The following ASAP2 variants were observed in gnomAD, a reference collection of about 807,000 sequenced individuals.
ASAP2 encodes the protein arf-GAP with SH3 domain, ANK repeat and PH domain-containing protein 2.
ASAP2 carries 45 observed loss-of-function variants against 131.4 expected under a neutral mutation model. The ratio of observed to expected loss-of-function variants is 0.34; its 90% CI spans 0.27 to 0.44. ASAP2 has a LOEUF of 0.44. Among genes scored for constraint, ASAP2 ranks in the 20% least tolerant of loss-of-function variants. The pLI is 1.00. For synonymous variants in ASAP2, 510 were observed against 503.0 expected, an observed-to-expected ratio of 1.01 and a Z score of -0.19; for missense variants, 1,011 against 1,297.0, an observed-to-expected ratio of 0.78 and a Z score of 3.39.
chr2:9,346,351 G>T (rs1472231330), intron 11 of ASAP2, among the ~76,000 whole-genome samples: 2 of 151,422 alleles, frequency 1.3e-5, no homozygotes, highest in African/African-American at 2.4e-5. Context: ...CAGGAGAATT[G>T]CTTAAACGCA....
Position 9,400,734 on chromosome 2 carries a change from C to A in ASAP2, c.2735-8C>A. 1 of 1,611,128 alleles carries A rather than the reference C, an allele frequency of 6.2e-7. No homozygotes were observed. On this transcript the variant is annotated splice_region_variant and splice_polypyrimidine_tract_variant and intron_variant, in intron 25 of 27. Coordinates refer to ENST00000281419, the MANE Select transcript of ASAP2 (RefSeq NM_003887.3). Reference sequence around the variant, plus strand: ...GATGTCTTAAGCTGCTTCATTTTTGCCCTACAGTGGATCTCTCTGCAACGG... The same window carrying A: ...GATGTCTTAAGCTGCTTCATTTTTGACCTACAGTGGATCTCTCTGCAACGG...
intron 2 of ASAP2, among the ~76,000 whole-genome samples, chr2:9,287,026 A>G (rs1667511554): frequency 6.6e-6 from 1 of 152,242 alleles, no homozygotes. Flanking sequence ...GGTCCTGTCC[A>G]TTGACAGATG....
chr2:9,356,136 G>C, intron 13 of ASAP2, 41 bp downstream of exon 13: 1 of 1,614,120 alleles, frequency 6.2e-7, no homozygotes, highest in East Asian at 2.2e-5. Flanking sequence ...GGACTCAGCC[G>C]TTGTTTGTGG....
Position 9,403,541 on chromosome 2 carries a change from G to T in ASAP2, c.*214G>T. The T allele has an allele frequency of 2.0e-6, 1 of 512,556 alleles. No individual in the cohort carries two copies. 31.8% of individuals were successfully genotyped at this position (512,556 alleles called of 1,614,324 possible). On this transcript the variant is annotated 3_prime_UTR_variant, in exon 28 of 28. Transcript: ENST00000281419. ...ATGAAACATTGCTATGCATTTATTAGGAAAAACTGAATTTCCCAACAGGTG... is the reference window on the plus strand; with the variant it reads ...ATGAAACATTGCTATGCATTTATTATGAAAAACTGAATTTCCCAACAGGTG...
At chr2:9,237,508 C>A (rs1558255882) in intron 1 of ASAP2, among the ~76,000 whole-genome samples, 2 of 151,112 alleles carry the variant, frequency 1.3e-5, no homozygotes, top group East Asian at 3.9e-4. Flanking sequence ...ACCTCCTAGG[C>A]TCCAGCAATC....
intron 24 of ASAP2, 145 bp from the exon 25 acceptor site, chr2:9,399,878 T>TA: frequency 1.3e-6 from 1 of 766,890 alleles, no homozygotes; most frequent in Non-Finnish European, 2.1e-6. Context: ...CCTTTTCCCA[T>TA]AAAAAAGAGA....
At chr2:9,367,093 T>G (rs1673538053) in intron 15 of ASAP2, among the ~76,000 whole-genome samples, 1 of 148,144 alleles carries the variant, frequency 6.8e-6, no homozygotes, top group South Asian at 2.2e-4. Flanking sequence ...TCCAGTGGTG[T>G]GATCTCGGCT....
At chr2:9,272,982 G>A (rs10190411) in intron 1 of ASAP2, among the ~76,000 whole-genome samples, 15,377 of 152,110 alleles carry the variant, frequency 0.1, 809 homozygotes, top group Admixed American at 0.14. Flanking sequence ...AGGTAATGTG[G>A]TTCCTCCAGT....
chr2:9,380,912 G>C, intron 20 of ASAP2, 104 bp downstream of exon 20: 2 of 1,219,850 alleles, frequency 1.6e-6, no homozygotes, highest in Non-Finnish European at 2.3e-6. Context: ...GTCCTGAGCA[G>C]AGCTCAGTGT....
At position 9,323,170 on chromosome 2, in the gene ASAP2, A is replaced by G; in HGVS notation, c.520A>G (p.Ile174Val). Residue 174 changes from isoleucine to valine, a missense_variant, in exon 6 of 28, where the codon ATT (isoleucine) becomes GTT (valine). Physicochemically the swap from Ile to Val is conservative, Grantham distance 29. Coordinates refer to ENST00000281419, the MANE Select transcript of ASAP2 (RefSeq NM_003887.3). ...KKEHAKLHGMIRTEISGAEIA... is the reference protein window; with the variant it reads ...KKEHAKLHGMVRTEISGAEIA... Reference sequence around the variant, plus strand: ...GGAACACGCCAAGCTCCATGGGATGATTCGGACTGAAATAAGCGGAGCGGA... The same window carrying G: ...GGAACACGCCAAGCTCCATGGGATGGTTCGGACTGAAATAAGCGGAGCGGA... 6.2e-7 allele frequency: 1 copy of G among 1,614,256 alleles called. No individual in the cohort carries two copies. The highest frequency in any genetic ancestry group is 1.1e-5 in the South Asian group (1 of 91,086).
chr2:9,387,081 G>T (rs527783974), intron 21 of ASAP2, among the ~76,000 whole-genome samples: 4 of 151,206 alleles, frequency 2.6e-5, no homozygotes, highest in Admixed American at 6.6e-5. Context: ...TGGTGGGTGG[G>T]GGGGCGCCTG....
chr2:9,267,837 G>A (rs1001923021), intron 1 of ASAP2, among the ~76,000 whole-genome samples: 2 of 137,962 alleles, frequency 1.4e-5, no homozygotes, highest in Admixed American at 1.6e-4. Context: ...GGCAGAGGTT[G>A]TAGTGAGTCG....
intron 2 of ASAP2, among the ~76,000 whole-genome samples, chr2:9,291,817 C>T (rs754466573): frequency 6.6e-6 from 1 of 152,080 alleles, no homozygotes; most frequent in African/African-American, 2.4e-5. Flanking sequence ...TGCACCCTGC[C>T]TTCGTTCTGT....
chr2:9,396,152 T>G (rs959713392), intron 24 of ASAP2, among the ~76,000 whole-genome samples: 2 of 152,128 alleles, frequency 1.3e-5, no homozygotes, highest in Non-Finnish European at 2.9e-5. Flanking sequence ...GGCTAATTCT[T>G]CTGCATACTA....
At chr2:9,212,364 G>A (rs1661626050) in intron 1 of ASAP2, among the ~76,000 whole-genome samples, 1 of 152,176 alleles carries the variant, frequency 6.6e-6, no homozygotes, top group South Asian at 2.1e-4. Flanking sequence ...TGTGGTGAGG[G>A]AGGGCCTTAT....
At chr2:9,222,450 C>T (rs941749313) in intron 1 of ASAP2, among the ~76,000 whole-genome samples, 4 of 152,232 alleles carry the variant, frequency 2.6e-5, no homozygotes, top group Admixed American at 2.6e-4. Flanking sequence ...CCTTTCCAAG[C>T]TGCTGTTTCT....
chr2:9,308,056 T>C (rs1669062107), intron 3 of ASAP2, among the ~76,000 whole-genome samples: 1 of 152,354 alleles, frequency 6.6e-6, no homozygotes, highest in African/African-American at 2.4e-5. Flanking sequence ...AAAAGTGGCC[T>C]AGATGATTGT....
chr2:9,271,635 C>A, intron 1 of ASAP2: 1 of 932,952 alleles, frequency 1.1e-6, no homozygotes, highest in Non-Finnish European at 1.6e-6. Context: ...ACATACGATC[C>A]AATTTCTTTT....
chr2:9,322,044 C>T (rs1334765345), intron 5 of ASAP2, among the ~76,000 whole-genome samples: 1 of 152,148 alleles, frequency 6.6e-6, no homozygotes, highest in African/African-American at 2.4e-5. Context: ...GGTCTCTTGC[C>T]TGTGAAGGAG....
Sources: gnomAD v4.1 joint callset for allele counts (sites outside exome capture counted in the v4.1 genomes callset) on GRCh38, gnomAD v4.1.1 for gene constraint, MANE v1.5 for transcripts, NCBI Gene and HGNC (gene_info 2026-07-23, HGNC 2026-07-21) for gene names.